Variants in MIDN observed in about 807,000 individuals in gnomAD.
MIDN encodes midnolin.
A neutral mutation model predicts 46.1 loss-of-function variants in MIDN; 26 were observed. That is an observed-to-expected ratio of 0.56 (90% CI 0.41 to 0.78). The LOEUF is 0.78. Among genes scored for constraint, MIDN ranks in the 30% least tolerant of loss-of-function variants. The pLI, the probability that MIDN is intolerant of heterozygous loss-of-function variation, is 0.00. For missense variants in MIDN, 850 were observed against 771.8 expected (o/e 1.10, Z -1.20); for synonymous variants, 432 against 343.3 (o/e 1.26, Z -2.86).
rs751330275 is a variant in MIDN, at chr19:1,255,416, C to G, written c.986-6C>G. On this transcript the variant is annotated splice_polypyrimidine_tract_variant and splice_region_variant and intron_variant, in intron 7 of 8. Coordinates refer to ENST00000682408, the MANE Select transcript of MIDN (RefSeq NM_001388306.1). ...GCCGGGCACTCACGGCCACCTCTGC[C>G]CGCAGGCACGCTACACCCCAACTGC... 2.5e-6 allele frequency: 4 copies of G among 1,578,644 alleles called. No homozygotes were observed. The highest frequency in any genetic ancestry group is 2.6e-6 in the Non-Finnish European group (3 of 1,163,656).
chr19:1,251,498 G>A (rs2081127325), intron 2 of MIDN, 64 bp from the exon 3 acceptor site: 2 of 1,469,190 alleles, frequency 1.4e-6, no homozygotes, highest in Middle Eastern at 1.7e-4. Context: ...CTCCCCCGCG[G>A]CCTCTGCTTC....
In MIDN at chr19:1,253,973, C is replaced by G. The variant is rs1317155189; in HGVS notation, c.404C>G (p.Pro135Arg). ...TETQPPAAPG[P>R]GRAGGGGFRK... The stretch of plus-strand genomic sequence containing the variant: ...CCACAGCCCCCAGCGGCGCCCGGGC[C>G]GGGCCGGGCTGGCGGAGGAGGCTTC... Residue 135 changes from proline to arginine, a missense_variant, in exon 5 of 9, where the codon CCG (proline) becomes CGG (arginine). Transcript: ENST00000682408. 1 of 1,394,172 alleles carries G rather than the reference C, an allele frequency of 7.2e-7. No individual in the cohort carries two copies. Among genetic ancestry groups the G allele is most frequent in the South Asian group, 1.6e-5 (1 of 63,340 alleles). The allele number at this position is 1,394,172 out of a possible 1,614,324, so 86.4% of individuals were successfully genotyped here.
intron 4 of MIDN, among the ~76,000 whole-genome samples, chr19:1,253,160 G>T (rs979492730): frequency 1.3e-4 from 20 of 151,962 alleles, no homozygotes; most frequent in African/African-American, 4.8e-4. Context: ...GGGTGGTGGT[G>T]GGGACTCCAG....
At chr19:1,251,017 G>C (rs2081120096) in intron 2 of MIDN, among the ~76,000 whole-genome samples, 1 of 151,190 alleles carries the variant, frequency 6.6e-6, no homozygotes, top group Admixed American at 6.6e-5. Context: ...GCGGGCCTCC[G>C]GGGACACGCA....
chr19:1,255,391 G>A (rs544726059), intron 7 of MIDN, 31 bp from the exon 8 acceptor site: 78 of 1,552,520 alleles, frequency 5.0e-5, no homozygotes, highest in Non-Finnish European at 6.3e-5. Flanking sequence ...CTGTGCCCGT[G>A]CCGGGCACTC....
intron 8 of MIDN, among the ~76,000 whole-genome samples, chr19:1,256,450 C>T (rs1330667816): frequency 3.3e-5 from 5 of 151,056 alleles, no homozygotes; most frequent in African/African-American, 1.2e-4. Context: ...CCACTGCACT[C>T]CAGCCTGGGC....
chr19:1,249,536 C>CCGCGCCCCCCGGGG (rs966051767), intron 1 of MIDN, among the ~76,000 whole-genome samples: 12 of 149,616 alleles, frequency 8.0e-5, no homozygotes, highest in Non-Finnish European at 1.5e-4. Flanking sequence ...GACCTGGGTC[C>CCGCGCCCCCCGGGG]CGCGCCCCCC....
chr19:1,250,899 C>A (rs910738971), intron 2 of MIDN, among the ~76,000 whole-genome samples: 2 of 151,964 alleles, frequency 1.3e-5, no homozygotes, highest in Non-Finnish European at 2.9e-5. Flanking sequence ...GGCTGTCTCC[C>A]CCCACTTGCG....
chr19:1,257,574 T>C lies in MIDN; in HGVS notation c.*302T>C. ...TTTCACCTCTGCGCCAGGTCGGTCCTCCCTGCCAACCTTCCCCAGCTCCAA... is the reference window on the plus strand; with the variant it reads ...TTTCACCTCTGCGCCAGGTCGGTCCCCCCTGCCAACCTTCCCCAGCTCCAA... On this transcript the variant is annotated 3_prime_UTR_variant, in exon 9 of 9. Transcript: ENST00000682408. 2.9e-6 allele frequency: 1 copy of C among 341,030 alleles called. No homozygotes were observed. The highest frequency in any genetic ancestry group is 5.3e-6 in the Non-Finnish European group (1 of 187,298). 21.1% of individuals were successfully genotyped at this position (341,030 alleles called of 1,614,324 possible). A position where few individuals can be genotyped will look rare whatever the true frequency, so the allele number is the denominator to read the frequency against.
chr19:1,254,154 G>C lies in MIDN; in HGVS notation c.514-13G>C. On this transcript the variant is annotated splice_polypyrimidine_tract_variant and intron_variant, in intron 5 of 8. Coordinates refer to ENST00000682408, the MANE Select transcript of MIDN (RefSeq NM_001388306.1). ...AGCTGGGGCTCCCAGCTGACGGACCGCTCTCCTTGCAGGTCAGTGACTTCC... is the reference window on the plus strand; with the variant it reads ...AGCTGGGGCTCCCAGCTGACGGACCCCTCTCCTTGCAGGTCAGTGACTTCC... The C allele has an allele frequency of 6.3e-7, 1 of 1,588,346 alleles. No homozygotes were observed. Among genetic ancestry groups the C allele is most frequent in the Non-Finnish European group, 8.5e-7 (1 of 1,173,168 alleles).
intron 8 of MIDN, among the ~76,000 whole-genome samples, chr19:1,256,345 T>C (rs976910835): frequency 1.3e-5 from 2 of 151,928 alleles, no homozygotes; most frequent in South Asian, 2.1e-4. Context: ...TAGCCAGGCG[T>C]GGTGGTGGGC....
chr19:1,253,216 TG>T (rs2081154684), intron 4 of MIDN, among the ~76,000 whole-genome samples: 1 of 145,502 alleles, frequency 6.9e-6, no homozygotes, highest in Non-Finnish European at 1.5e-5. Flanking sequence ...AAGGCTGTCT[TG>T]GGGCAGGGGG....
chr19:1,257,146 C>A lies in MIDN; in HGVS notation c.1410C>A (p.Ser470Arg). The A allele has an allele frequency of 6.2e-7, 1 of 1,611,484 alleles. No individual in the cohort carries two copies. Among genetic ancestry groups the A allele is most frequent in the Non-Finnish European group, 8.5e-7 (1 of 1,179,188 alleles). Residue 470 changes from serine to arginine, a missense_variant, in exon 9 of 9, where the codon AGC (serine) becomes AGA (arginine). Coordinates refer to ENST00000682408, the MANE Select transcript of MIDN (RefSeq NM_001388306.1). ...HWSPSRKAGR[S>R]DSSSSGGGGS... ...CACCCAGCCGCAAGGCCGGCCGCAGCGACAGCAGTAGCAGCGGGGGCGGCG... is the reference window on the plus strand; with the variant it reads ...CACCCAGCCGCAAGGCCGGCCGCAGAGACAGCAGTAGCAGCGGGGGCGGCG...
In MIDN at chr19:1,257,577, C is replaced by A; in HGVS notation, c.*305C>A. The stretch of plus-strand genomic sequence containing the variant: ...CACCTCTGCGCCAGGTCGGTCCTCC[C>A]TGCCAACCTTCCCCAGCTCCAATAT... On this transcript the variant is annotated 3_prime_UTR_variant, in exon 9 of 9. Coordinates refer to ENST00000682408, the MANE Select transcript of MIDN (RefSeq NM_001388306.1). The A allele has an allele frequency of 2.9e-6, 1 of 341,102 alleles. No individual in the cohort carries two copies. The highest frequency in any genetic ancestry group is 5.3e-6 in the Non-Finnish European group (1 of 187,340). 21.1% of individuals were successfully genotyped at this position (341,102 alleles called of 1,614,324 possible).
In MIDN at chr19:1,255,483, C is replaced by T. The variant is rs1599988600; in HGVS notation, c.1047C>T (p.Ile349=). The T allele has an allele frequency of 6.2e-7, 1 of 1,610,682 alleles. No individual in the cohort carries two copies. Among genetic ancestry groups the T allele is most frequent in the Middle Eastern group, 1.7e-4 (1 of 6,054 alleles). The change falls in exon 8 of 9, where the codon ATC becomes ATT. Residue 349 remains isoleucine, a synonymous_variant. Coordinates refer to ENST00000682408, the MANE Select transcript of MIDN (RefSeq NM_001388306.1). ...SGRPRRDIGT[I]LQILNDLLSA... Reference sequence around the variant, plus strand: ...GGCCGCGGCGTGACATCGGCACCATCCTGCAGATCCTGAACGACCTCCTGA... The same window carrying T: ...GGCCGCGGCGTGACATCGGCACCATTCTGCAGATCCTGAACGACCTCCTGA...
rs1255775181 is a variant in MIDN at position 1,254,884 on chromosome 19, G to C, written c.826-18G>C. ...CTGATCCTGGACCCCGTGCTCATGTGCCCCTTCCTCCCATCAGCAGATGGA... is the reference window on the plus strand; with the variant it reads ...CTGATCCTGGACCCCGTGCTCATGTCCCCCTTCCTCCCATCAGCAGATGGA... On this transcript the variant is annotated intron_variant, in intron 6 of 8. Transcript: ENST00000682408. 1 of 1,591,676 alleles carries C rather than the reference G, an allele frequency of 6.3e-7. No homozygotes were observed. Among genetic ancestry groups the C allele is most frequent in the South Asian group, 1.1e-5 (1 of 90,164 alleles).
rs1202395977 is a variant in MIDN at position 1,250,177 on chromosome 19, T to C, written c.-120T>C. 3.2e-5 allele frequency: 8 copies of C among 253,690 alleles called. No homozygotes were observed. The highest frequency in any genetic ancestry group is 4.3e-5 in the Non-Finnish European group (7 of 161,216). The allele number at this position is 253,690 out of a possible 1,614,324, so 15.7% of individuals were successfully genotyped here. A position where few individuals can be genotyped will look rare whatever the true frequency, so the allele number is the denominator to read the frequency against. Reference sequence around the variant, plus strand: ...GGACTTTCTCGAGGAGGACGCGCGCTGCTCCGCGCCCCCGAGTGCCCGGAG... The same window carrying C: ...GGACTTTCTCGAGGAGGACGCGCGCCGCTCCGCGCCCCCGAGTGCCCGGAG... On this transcript the variant is annotated 5_prime_UTR_variant, in exon 2 of 9. Transcript: ENST00000682408.
intron 8 of MIDN, among the ~76,000 whole-genome samples, chr19:1,256,344 G>A (rs1328194136): frequency 1.3e-5 from 2 of 152,138 alleles, no homozygotes; most frequent in Admixed American, 6.5e-5. Flanking sequence ...TTAGCCAGGC[G>A]TGGTGGTGGG....
rs905776941 is a variant in MIDN, at chr19:1,253,936, C to G, written c.385-18C>G. ...AGGGAGGGGCAGGCCCCCGTCTGAC[C>G]CGCCTCTGTCCCCACAGCCCCCAGC... On this transcript the variant is annotated intron_variant, in intron 4 of 8. Transcript: ENST00000682408. 6.5e-6 allele frequency: 9 copies of G among 1,380,494 alleles called. No homozygotes were observed. The highest frequency in any genetic ancestry group is 8.4e-6 in the Non-Finnish European group (9 of 1,074,356). 85.5% of individuals were successfully genotyped at this position (1,380,494 alleles called of 1,614,324 possible).
Sources: gnomAD v4.1 joint callset for allele counts (sites outside exome capture counted in the v4.1 genomes callset) on GRCh38, gnomAD v4.1.1 for gene constraint, MANE v1.5 for transcripts, NCBI Gene and HGNC (gene_info 2026-07-23, HGNC 2026-07-21) for gene names.